SAE1: variants seen among roughly 807,000 people sequenced by gnomAD.
SAE1 encodes the protein SUMO1 activating enzyme subunit 1.
A neutral mutation model predicts 40.6 loss-of-function variants in SAE1; 11 were observed. That is an observed-to-expected ratio of 0.27 (90% CI 0.17 to 0.45). The LOEUF is 0.45. SAE1 is among the 20% of genes least tolerant of loss of function. The pLI is 1.00. For synonymous variants in SAE1, 155 were observed against 154.3 expected, an observed-to-expected ratio of 1.00 and a Z score of -0.03; for missense variants, 373 against 427.3, an observed-to-expected ratio of 0.87 and a Z score of 1.12.
At chr19:47,201,264 A>G (rs953347571) in intron 7 of SAE1, among the ~76,000 whole-genome samples, 8 of 144,688 alleles carry the variant, frequency 5.5e-5, no homozygotes, top group African/African-American at 1.5e-4. Context: ...GGCCAGACTG[A>G]TCTCAAACTC....
intron 4 of SAE1, 59 bp downstream of exon 4, chr19:47,153,099 T>G (rs1186767702): frequency 7.0e-7 from 1 of 1,438,458 alleles, no homozygotes; most frequent in Non-Finnish European, 9.4e-7. Context: ...ACTTTTTTTT[T>G]TTAAATTATG....
intron 6 of SAE1, among the ~76,000 whole-genome samples, chr19:47,182,496 T>TGC (rs1555794398): frequency 0.11 from 16,645 of 145,776 alleles, 1,056 homozygotes; most frequent in South Asian, 0.18. Flanking sequence ...TGTGTGTGTG[T>TGC]GCGCGCACGC....
chr19:47,177,434 C>T (rs986155365), intron 6 of SAE1, among the ~76,000 whole-genome samples: 53 of 152,218 alleles, frequency 3.5e-4, no homozygotes, highest in African/African-American at 1.2e-3. Context: ...TCATAACTCA[C>T]TATAGCCTTG....
At chr19:47,186,275 T>C (rs1340638943) in intron 6 of SAE1, among the ~76,000 whole-genome samples, 1 of 152,022 alleles carries the variant, frequency 6.6e-6, no homozygotes, top group Admixed American at 6.6e-5. Context: ...TAAAAGCTCA[T>C]TGGAGCATTT....
Position 47,131,005 on chromosome 19 carries a change from G to C in SAE1, c.75G>C (p.Leu25=). The C allele has an allele frequency of 6.5e-7, 1 of 1,545,328 alleles. No homozygotes were observed. The highest frequency in any genetic ancestry group is 8.7e-7 in the Non-Finnish European group (1 of 1,144,414). ...CACAGTATGACCGGCAGATCCGCCT[G>C]TGGGGACTGGAGGCCCAGAAACGGT... The part of the protein sequence containing the change: ...EAAQYDRQIR[L]WGLEAQKRLR... The change falls in exon 1 of 9, where the codon CTG becomes CTC. Residue 25 remains leucine, a synonymous_variant. Coordinates refer to ENST00000270225, the MANE Select transcript of SAE1 (RefSeq NM_005500.3).
intron 1 of SAE1, among the ~76,000 whole-genome samples, chr19:47,132,185 ACTCCGGAC>A (rs2058148202): frequency 6.9e-6 from 1 of 144,562 alleles, no homozygotes; most frequent in Non-Finnish European, 1.5e-5. Context: ...CTGGTCTCAA[ACTCCGGAC>A]CTCAAGTGAT....
intron 1 of SAE1, among the ~76,000 whole-genome samples, chr19:47,137,948 C>T (rs2058192443): frequency 6.6e-6 from 1 of 151,544 alleles, no homozygotes; most frequent in Non-Finnish European, 1.5e-5. Context: ...AGGCTGGTCT[C>T]AAACTCCTCA....
At chr19:47,197,106 G>A (rs1161640821) in intron 6 of SAE1, 127 bp from the exon 7 acceptor site, 6 of 863,982 alleles carry the variant, frequency 6.9e-6, no homozygotes, top group African/African-American at 3.5e-5. Flanking sequence ...ACTTGAACCC[G>A]GGAGGCAGAG....
At chr19:47,192,860 T>A (rs2058587962) in intron 6 of SAE1, among the ~76,000 whole-genome samples, 1 of 151,874 alleles carries the variant, frequency 6.6e-6, no homozygotes, top group African/African-American at 2.4e-5. Flanking sequence ...TATGGGACAT[T>A]TTTTGAAAAG....
Position 47,203,755 on chromosome 19 carries a change from T to G in SAE1, c.948+15T>G. ...AAATTGTGAAGGTAAAACATCACTG[T>G]GGAGCAGAAAATTGTTAACCATGAC... is the stretch of plus-strand genomic sequence containing the variant. On this transcript the variant is annotated intron_variant, in intron 8 of 8. Transcript: ENST00000270225. 5 of 1,610,610 alleles carry G rather than the reference T, an allele frequency of 3.1e-6. No homozygotes were observed. Among genetic ancestry groups the G allele is most frequent in the Non-Finnish European group, 4.2e-6 (5 of 1,176,720 alleles).
intron 8 of SAE1, among the ~76,000 whole-genome samples, chr19:47,207,140 A>C (rs376495876): frequency 1.3e-5 from 2 of 152,170 alleles, no homozygotes; most frequent in Admixed American, 6.5e-5. Context: ...GCTACTCAAG[A>C]GGGTATGGGA....
chr19:47,196,174 TAG>T (rs1301560212), intron 6 of SAE1, among the ~76,000 whole-genome samples: 1 of 149,994 alleles, frequency 6.7e-6, no homozygotes, highest in East Asian at 2.0e-4. Flanking sequence ...GCCTTCCGAG[TAG>T]CTGGGATTAT....
chr19:47,139,199 G>A (rs1193905227), intron 1 of SAE1, among the ~76,000 whole-genome samples: 2 of 152,122 alleles, frequency 1.3e-5, no homozygotes, highest in Admixed American at 6.6e-5. Flanking sequence ...TGATCCGACC[G>A]CCTCGGCTAA....
intron 1 of SAE1, among the ~76,000 whole-genome samples, chr19:47,140,635 A>AC (rs895921837): frequency 2.0e-4 from 30 of 151,552 alleles, no homozygotes; most frequent in East Asian, 9.7e-4. Context: ...AAAAAAAAAA[A>AC]AAACCCATAA....
At position 47,160,844 on chromosome 19, in the gene SAE1, T is replaced by C. The variant is rs138590069; in HGVS notation, c.627+5631T>C. Reference sequence around the variant, plus strand: ...ACTCCTGGCCAATCCTGCTAATTATTAATATCAGAACTACTTGGTTCAAAG... The same window carrying C: ...ACTCCTGGCCAATCCTGCTAATTATCAATATCAGAACTACTTGGTTCAAAG... On this transcript the variant is annotated intron_variant, in intron 5 of 8. Coordinates refer to ENST00000270225, the MANE Select transcript of SAE1 (RefSeq NM_005500.3). Among the ~76,000 whole-genome samples, 147 of 152,246 alleles carry C rather than the reference T, an allele frequency of 9.7e-4. 1 individual carries two copies. The highest frequency in any genetic ancestry group is 3.5e-3 in the African/African-American group (147 of 41,538).
At chr19:47,167,912 G>A (rs2058404584) in intron 5 of SAE1, among the ~76,000 whole-genome samples, 1 of 152,006 alleles carries the variant, frequency 6.6e-6, no homozygotes, top group South Asian at 2.1e-4. Flanking sequence ...CTTTTTTCTG[G>A]CTAGGCACAG....
intron 6 of SAE1, among the ~76,000 whole-genome samples, chr19:47,194,747 CTTTTTTTTTTT>C (rs1232339267): frequency 1.6e-5 from 2 of 124,898 alleles, no homozygotes; most frequent in East Asian, 4.6e-4. Flanking sequence ...GTTAATCAGT[CTTTTTTTTTTT>C]TTTTTTTTTG....
chr19:47,201,703 G>A (rs775553786), intron 7 of SAE1, among the ~76,000 whole-genome samples: 11 of 151,588 alleles, frequency 7.3e-5, no homozygotes, highest in Non-Finnish European at 1.2e-4. Flanking sequence ...GCACCATCTC[G>A]GCTCACTGCA....
chr19:47,154,046 C>G (rs1380412205), intron 4 of SAE1, among the ~76,000 whole-genome samples: 1 of 143,722 alleles, frequency 7.0e-6, no homozygotes, highest in African/African-American at 2.6e-5. Flanking sequence ...CCACCTCGGC[C>G]TCCCAAAGTG....
Sources: allele counts gnomAD v4.1 joint callset (sites outside exome capture counted in the v4.1 genomes callset), GRCh38; gene constraint gnomAD v4.1.1; transcripts MANE v1.5; gene names NCBI Gene and HGNC (gene_info 2026-07-23, HGNC 2026-07-21).